The following FOXP2 variants were observed in gnomAD, a reference collection of about 807,000 sequenced individuals.
FOXP2 encodes the protein forkhead box P2.
In FOXP2, 12 loss-of-function variants were observed where a neutral mutation model predicts 115.8. The ratio of observed to expected loss-of-function variants is 0.10; its 90% CI spans 0.07 to 0.17. FOXP2 has a LOEUF of 0.17. FOXP2 is among the 10% of genes least tolerant of loss of function. The pLI is 1.00. For missense variants in FOXP2, 629 were observed against 843.5 expected, an observed-to-expected ratio of 0.75 and a Z score of 3.15; for synonymous variants, 328 against 297.7, an observed-to-expected ratio of 1.10 and a Z score of -1.05.
intron 1 of FOXP2, among the ~76,000 whole-genome samples, chr7:114,201,874 ACC>A (rs1794076366): frequency 1.3e-5 from 2 of 152,140 alleles, no homozygotes; most frequent in Middle Eastern, 3.2e-3. Flanking sequence ...ACTTGATACT[ACC>A]CTTAAGCAGT....
At position 114,400,609 on chromosome 7, in the gene FOXP2, G is replaced by T. The variant is rs570042116; in HGVS notation, c.-10-25893G>T. Among the ~76,000 whole-genome samples the T allele has an allele frequency of 5.3e-5, 8 of 152,262 alleles. No individual in the cohort carries two copies. The South Asian group carries it at 1.7e-3, about 32-fold the overall frequency. On this transcript the variant is annotated intron_variant, in intron 2 of 17. Coordinates refer to the FOXP2 transcript ENST00000634411. ...CAGTGTTTCCACAGACAGGAGTCGG[G>T]TGGGGTCGGGGGGAATGGCTTCTGG...
intron 1 of FOXP2, among the ~76,000 whole-genome samples, chr7:114,089,254 G>T (rs533500166): frequency 1.3e-5 from 2 of 152,096 alleles, no homozygotes; most frequent in African/African-American, 4.8e-5. Context: ...CATCCCTGTA[G>T]GTGAGAAATG....
At chr7:114,628,861 T>C in intron 4 of FOXP2, 184 bp downstream of exon 4, 1 of 680,720 alleles carries the variant, frequency 1.5e-6, no homozygotes, top group East Asian at 2.9e-5. Flanking sequence ...TGCTTATTTT[T>C]TTAAAAAAAT....
chr7:114,515,490 G>T (rs1320272559), intron 2 of FOXP2, among the ~76,000 whole-genome samples: 1 of 152,108 alleles, frequency 6.6e-6, no homozygotes, highest in East Asian at 1.9e-4. Flanking sequence ...ATTTTTTCAT[G>T]TGTTTTTTGG....
intron 2 of FOXP2, among the ~76,000 whole-genome samples, chr7:114,433,582 T>C (rs56891748): frequency 0.019 from 2,962 of 152,118 alleles, 103 homozygotes; most frequent in African/African-American, 0.067. Context: ...TTATTTATCG[T>C]AGTCTTGGAA....
chr7:114,298,448 A>G (rs1796796901), intron 2 of FOXP2, among the ~76,000 whole-genome samples: 1 of 152,232 alleles, frequency 6.6e-6, no homozygotes, highest in Non-Finnish European at 1.5e-5. Context: ...CGATAATAGT[A>G]ATAACAATAA....
At chr7:114,372,336 T>C (rs2129189729) in intron 2 of FOXP2, among the ~76,000 whole-genome samples, 1 of 152,296 alleles carries the variant, frequency 6.6e-6, no homozygotes, top group South Asian at 2.1e-4. Flanking sequence ...AGTTTTTTCA[T>C]AGATAGGGTA....
intron 1 of FOXP2, among the ~76,000 whole-genome samples, chr7:114,125,638 C>T (rs1791687215): frequency 6.6e-6 from 1 of 152,108 alleles, no homozygotes; most frequent in Admixed American, 6.6e-5. Flanking sequence ...TCTGATGTTG[C>T]TGTAGAGTAC....
At chr7:114,531,208 TG>T (rs992821396) in intron 2 of FOXP2, among the ~76,000 whole-genome samples, 1 of 151,752 alleles carries the variant, frequency 6.6e-6, no homozygotes, top group Non-Finnish European at 1.5e-5. Flanking sequence ...TTAATTTTTG[TG>T]GGGGAGGGTG....
upstream of FOXP2, chr7:114,414,664 ATGT>A (rs1295576906): frequency 5.9e-6 from 1 of 170,110 alleles, no homozygotes; most frequent in African/African-American, 2.4e-5. Flanking sequence ...GGCTTATCTG[ATGT>A]TGTGGCTGTG....
At chr7:114,616,606 A>G (rs1049200630) in intron 3 of FOXP2, among the ~76,000 whole-genome samples, 8 of 152,204 alleles carry the variant, frequency 5.3e-5, no homozygotes, top group African/African-American at 1.9e-4. Context: ...TGGGGATTCA[A>G]TTAAATATTT....
intron 1 of FOXP2, among the ~76,000 whole-genome samples, chr7:114,278,117 C>A (rs1796238560): frequency 6.9e-6 from 1 of 145,548 alleles, no homozygotes; most frequent in Admixed American, 6.9e-5. Context: ...TTATTCTCAA[C>A]AACAATTAAA....
chr7:114,506,283 T>C (rs1797813815), intron 2 of FOXP2, among the ~76,000 whole-genome samples: 1 of 151,756 alleles, frequency 6.6e-6, no homozygotes. Flanking sequence ...CTGACCTAAG[T>C]TTTCTGCCTT....
At position 114,693,247 on chromosome 7, in the gene FOXP2, C is replaced by T. The variant is rs1366366309; in HGVS notation, c.*3321C>T. 4.5e-6 allele frequency: 2 copies of T among 449,372 alleles called. No homozygotes were observed. Among genetic ancestry groups the T allele is most frequent in the Non-Finnish European group, 8.9e-6 (2 of 223,922 alleles). The allele number at this position is 449,372 out of a possible 1,614,324, so 27.8% of individuals were successfully genotyped here. A position where few individuals can be genotyped will look rare whatever the true frequency, so the allele number is the denominator to read the frequency against. On this transcript the variant is annotated 3_prime_UTR_variant, in exon 17 of 17. Transcript: ENST00000350908. Reference sequence around the variant, plus strand: ...TCAGATATGGAGAAAATGTCATCAGCATTCTGTGTCTACAGCTGCTTAACT... The same window carrying T: ...TCAGATATGGAGAAAATGTCATCAGTATTCTGTGTCTACAGCTGCTTAACT...
chr7:114,394,228 A>C (rs1461160729), intron 2 of FOXP2, among the ~76,000 whole-genome samples: 2 of 152,184 alleles, frequency 1.3e-5, no homozygotes, highest in African/African-American at 4.8e-5. Flanking sequence ...CACTTAAGGA[A>C]TGATGGGAAT....
At chr7:114,108,592 T>C (rs530577978) in intron 1 of FOXP2, among the ~76,000 whole-genome samples, 18 of 152,102 alleles carry the variant, frequency 1.2e-4, no homozygotes, top group African/African-American at 4.3e-4. Flanking sequence ...GGGGATTATT[T>C]ACATGTATTT....
intron 3 of FOXP2, among the ~76,000 whole-genome samples, chr7:114,606,172 G>T (rs1450348834): frequency 1.3e-5 from 2 of 152,160 alleles, no homozygotes; most frequent in African/African-American, 2.4e-5. Flanking sequence ...TTGGCTGACT[G>T]GTAGGATAAT....
At chr7:114,262,875 T>C (rs977209274) in intron 1 of FOXP2, among the ~76,000 whole-genome samples, 1 of 152,214 alleles carries the variant, frequency 6.6e-6, no homozygotes, top group Admixed American at 6.5e-5. Flanking sequence ...TTTTCTTTAA[T>C]TTCTACTTTT....
chr7:114,530,286 A>T (rs771674805), intron 2 of FOXP2, among the ~76,000 whole-genome samples: 1 of 151,928 alleles, frequency 6.6e-6, no homozygotes, highest in Non-Finnish European at 1.5e-5. Flanking sequence ...AGAGATGAAT[A>T]TCAACATCAA....
Sources: allele counts gnomAD v4.1 joint callset (sites outside exome capture counted in the v4.1 genomes callset), GRCh38; gene constraint gnomAD v4.1.1; transcripts MANE v1.5; gene names NCBI Gene and HGNC (gene_info 2026-07-23, HGNC 2026-07-21).